Variants in RYR3 observed in about 807,000 individuals in gnomAD.
RYR3 encodes ryanodine receptor 3.
RYR3 carries 207 observed loss-of-function variants against 584.3 expected under a neutral mutation model. The observed-to-expected ratio is 0.35, with a 90% confidence interval of 0.32 to 0.40. RYR3 has a LOEUF of 0.40. Among genes scored for constraint, RYR3 ranks in the 10% least tolerant of loss-of-function variants. RYR3 has a pLI of 1.00. For synonymous variants in RYR3, 2,416 were observed against 2,248.5 expected, an observed-to-expected ratio of 1.07 and a Z score of -2.11; for missense variants, 5,616 against 6,089.2, an observed-to-expected ratio of 0.92 and a Z score of 2.59.
At chr15:33,360,104 A>T (rs1974552965) in intron 1 of RYR3, among the ~76,000 whole-genome samples, 1 of 152,160 alleles carries the variant, frequency 6.6e-6, no homozygotes, top group South Asian at 2.1e-4. Context: ...ATATTCCAGC[A>T]CTTAGTACTT....
chr15:33,399,608 A>G (rs552704641), intron 1 of RYR3, among the ~76,000 whole-genome samples: 2 of 152,318 alleles, frequency 1.3e-5, no homozygotes, highest in East Asian at 3.9e-4. Flanking sequence ...ACTGCACTCC[A>G]GCCTGGGCGA....
chr15:33,744,577 C>T (rs1367144034), intron 52 of RYR3, among the ~76,000 whole-genome samples: 1 of 152,200 alleles, frequency 6.6e-6, no homozygotes, highest in Admixed American at 6.5e-5. Flanking sequence ...ACATAGGAGT[C>T]CCTAATCCAG....
chr15:33,717,984 G>T (rs1030066922), intron 43 of RYR3, among the ~76,000 whole-genome samples: 1 of 152,180 alleles, frequency 6.6e-6, no homozygotes, highest in Non-Finnish European at 1.5e-5. Flanking sequence ...AAGATGGTAT[G>T]TCCTTACTAT....
chr15:33,712,301 G>A (rs1425564077), intron 43 of RYR3, among the ~76,000 whole-genome samples: 1 of 152,116 alleles, frequency 6.6e-6, no homozygotes, highest in Non-Finnish European at 1.5e-5. Context: ...ATGAGATTTG[G>A]GCAGGGACAA....
At chr15:33,801,028 C>G (rs1049521340) in intron 68 of RYR3, among the ~76,000 whole-genome samples, 171 bp downstream of exon 68, 1 of 152,188 alleles carries the variant, frequency 6.6e-6, no homozygotes, top group South Asian at 2.1e-4. Flanking sequence ...AACATGTGCC[C>G]AAGGTGGTTG....
chr15:33,497,504 G>A (rs886847921), intron 2 of RYR3, among the ~76,000 whole-genome samples: 6 of 152,030 alleles, frequency 3.9e-5, no homozygotes, highest in Middle Eastern at 3.4e-3. Flanking sequence ...AATTTAGGCC[G>A]TTGTCACCTC....
intron 2 of RYR3, among the ~76,000 whole-genome samples, chr15:33,477,877 GA>G (rs58200056): frequency 5.8e-3 from 366 of 62,584 alleles, no homozygotes; most frequent in South Asian, 7.1e-3. Context: ...TCTGTCTCAA[GA>G]AAAAAAAAAA....
Position 33,719,430 on chromosome 15 carries a change from A to C in RYR3, c.6620-3285A>C, listed in dbSNP as rs115391223. ...TGTGGGAAAGGCTAAGTTGAATTCAACATGCTGGTAAAATCGGTGGCTGAC... is the reference window on the plus strand; with the variant it reads ...TGTGGGAAAGGCTAAGTTGAATTCACCATGCTGGTAAAATCGGTGGCTGAC... On this transcript the variant is annotated intron_variant, in intron 43 of 103. Transcript: ENST00000634891. Among the ~76,000 whole-genome samples the C allele has an allele frequency of 8.7e-3, 1,319 of 152,358 alleles. 19 individuals are homozygous for C. The highest frequency in any genetic ancestry group is 0.03 in the African/African-American group (1,256 of 41,582).
intron 69 of RYR3, among the ~76,000 whole-genome samples, chr15:33,805,473 T>C (rs1300906187): frequency 1.3e-3 from 154 of 117,714 alleles, no homozygotes; most frequent in African/African-American, 3.8e-3. Flanking sequence ...CTCTCTCTTT[T>C]TTTTTTTTTT....
intron 36 of RYR3, among the ~76,000 whole-genome samples, chr15:33,668,016 T>C (rs1390380829): frequency 7.3e-6 from 1 of 137,888 alleles, no homozygotes; most frequent in Non-Finnish European, 1.5e-5. Flanking sequence ...TGAGCCAAGA[T>C]TGCACCATTG....
intron 94 of RYR3, chr15:33,850,516 G>A (rs1046655466): frequency 9.2e-5 from 14 of 152,120 alleles, no homozygotes; most frequent in African/African-American, 3.1e-4. Flanking sequence ...CCATGAGTAG[G>A]AAATGCATAA....
chr15:33,359,444 C>G (rs1375875078), intron 1 of RYR3, among the ~76,000 whole-genome samples: 1 of 152,158 alleles, frequency 6.6e-6, no homozygotes, highest in Non-Finnish European at 1.5e-5. Context: ...CCAGACACCA[C>G]TCTGCCCCAG....
chr15:33,627,772 A>G (rs1166526492), intron 20 of RYR3, among the ~76,000 whole-genome samples: 1 of 152,196 alleles, frequency 6.6e-6, no homozygotes, highest in African/African-American at 2.4e-5. Flanking sequence ...TGTAGAGGAT[A>G]GATCAGTGGA....
intron 1 of RYR3, among the ~76,000 whole-genome samples, chr15:33,349,529 C>T (rs1222450015): frequency 5.9e-5 from 9 of 151,784 alleles, no homozygotes; most frequent in African/African-American, 9.7e-5. Flanking sequence ...TGACGAATGA[C>T]GCCAAGCATC....
At chr15:33,345,606 T>C (rs1349175128) in intron 1 of RYR3, among the ~76,000 whole-genome samples, 1 of 152,182 alleles carries the variant, frequency 6.6e-6, no homozygotes, top group African/African-American at 2.4e-5. Flanking sequence ...TCTCAGACTT[T>C]GTACTCTGCC....
rs150064528 is a variant in RYR3 at position 33,818,667 on chromosome 15, C to T, written c.10689C>T (p.Asn3563=). The part of the protein sequence containing the change: ...LHQIILYFSR[N]ALTERSKLED... ...AGATCATTCTCTATTTTAGCCGCAA[C>T]GCTCTCACGGAGAGGAGGTCAGAAC... Residue 3563 remains asparagine, a synonymous_variant, in exon 76 of 104, where the codon AAC becomes AAT. Coordinates refer to ENST00000634891, the MANE Select transcript of RYR3 (RefSeq NM_001036.6). The T allele has an allele frequency of 2.0e-5, 33 of 1,613,672 alleles. No individual in the cohort carries two copies. Among genetic ancestry groups the T allele is most frequent in the African/African-American group, 2.7e-5 (2 of 75,056 alleles).
At chr15:33,634,504 G>C in intron 24 of RYR3, 82 bp from the exon 25 acceptor site, 9 of 1,451,230 alleles carry the variant, frequency 6.2e-6, no homozygotes, top group Non-Finnish European at 8.7e-6. Flanking sequence ...AGCCAGGACT[G>C]TTGCTGGGAA....
chr15:33,612,911 T>A (rs1384782339), intron 18 of RYR3, among the ~76,000 whole-genome samples: 1 of 152,224 alleles, frequency 6.6e-6, no homozygotes, highest in African/African-American at 2.4e-5. Flanking sequence ...TTTTTGTTAT[T>A]TCTCATTCTT....
chr15:33,782,859 A>G (rs1315192424), intron 65 of RYR3, among the ~76,000 whole-genome samples: 1 of 152,160 alleles, frequency 6.6e-6, no homozygotes, highest in East Asian at 1.9e-4. Flanking sequence ...TACCTAGAAA[A>G]AGTTTAATAC....
Sources: allele counts gnomAD v4.1 joint callset (sites outside exome capture counted in the v4.1 genomes callset), GRCh38; gene constraint gnomAD v4.1.1; transcripts MANE v1.5; gene names NCBI Gene and HGNC (gene_info 2026-07-23, HGNC 2026-07-21).